EXT2: variants seen among roughly 807,000 people sequenced by gnomAD.
The protein encoded by EXT2 is exostosin glycosyltransferase 2.
EXT2 carries 53 observed loss-of-function variants against 81.6 expected under a neutral mutation model. That is an observed-to-expected ratio of 0.65 (90% CI 0.52 to 0.82). The LOEUF is 0.82. Among genes scored for constraint, EXT2 ranks in the 40% least tolerant of loss-of-function variants. EXT2 has a pLI of 0.00. For missense variants in EXT2, 774 were observed against 910.2 expected (o/e 0.85, Z 1.93); for synonymous variants, 320 against 340.0 (o/e 0.94, Z 0.65).
At chr11:44,124,237 A>G (rs1371180060) in intron 4 of EXT2, among the ~76,000 whole-genome samples, 1 of 152,056 alleles carries the variant, frequency 6.6e-6, no homozygotes, top group African/African-American at 2.4e-5. Flanking sequence ...GACTTTCCCT[A>G]TAGCCTCTCC....
At position 44,199,017 on chromosome 11, in the gene EXT2, T is replaced by C. The variant is rs552088570; in HGVS notation, c.1495+999T>C. Among the ~76,000 whole-genome samples the C allele has an allele frequency of 2.0e-5, 3 of 152,350 alleles. No individual in the cohort carries two copies. In the South Asian group the frequency reaches 6.2e-4, roughly 32 times the overall value. On this transcript the variant is annotated intron_variant, in intron 9 of 13. Coordinates refer to ENST00000533608, the MANE Select transcript of EXT2 (RefSeq NM_207122.2). ...GGATGTTTGTTCTCTGAGAGAATCA[T>C]ATGCTTTCTTTTTAGATTTAGGGAG...
At chr11:44,148,207 A>G (rs1954746512) in intron 7 of EXT2, among the ~76,000 whole-genome samples, 3 of 152,218 alleles carry the variant, frequency 2.0e-5, no homozygotes, top group African/African-American at 7.2e-5. Flanking sequence ...TGTGGGTACT[A>G]TGTTACCTAG....
intron 8 of EXT2, among the ~76,000 whole-genome samples, chr11:44,188,225 G>A (rs1955343413): frequency 6.6e-6 from 1 of 152,162 alleles, no homozygotes; most frequent in Non-Finnish European, 1.5e-5. Context: ...ATCAGCTTTT[G>A]CCATGGAGAC....
At chr11:44,136,945 G>T (rs1954578759) in intron 7 of EXT2, among the ~76,000 whole-genome samples, 1 of 151,960 alleles carries the variant, frequency 6.6e-6, no homozygotes, top group Non-Finnish European at 1.5e-5. Flanking sequence ...CTTGGTAATG[G>T]GTGTAATCAT....
At chr11:44,118,578 A>G (rs1259834940) in intron 4 of EXT2, among the ~76,000 whole-genome samples, 1 of 152,222 alleles carries the variant, frequency 6.6e-6, no homozygotes, top group African/African-American at 2.4e-5. Context: ...AATATTTTTT[A>G]GCAGTATTCA....
At chr11:44,242,642 G>A (rs1468817722) in intron 13 of EXT2, among the ~76,000 whole-genome samples, 1 of 151,990 alleles carries the variant, frequency 6.6e-6, no homozygotes, top group African/African-American at 2.4e-5. Flanking sequence ...TTGGGCAAGG[G>A]GGGTGATGAG....
chr11:44,244,124 C>G, intron 13 of EXT2, 25 bp from the exon 14 acceptor site: 1 of 1,612,864 alleles, frequency 6.2e-7, no homozygotes, highest in African/African-American at 1.3e-5. Flanking sequence ...ACCCCTCCTC[C>G]CCACCTCCTC....
At chr11:44,163,724 T>C (rs545644041) in intron 7 of EXT2, among the ~76,000 whole-genome samples, 2 of 152,324 alleles carry the variant, frequency 1.3e-5, no homozygotes, top group South Asian at 2.1e-4. Context: ...TTCCTGTAGC[T>C]CGGATCTCTT....
intron 3 of EXT2, among the ~76,000 whole-genome samples, chr11:44,111,662 TA>T (rs1185135191): frequency 1.2e-4 from 19 of 152,200 alleles, no homozygotes; most frequent in African/African-American, 4.6e-4. Flanking sequence ...ATTTCACACC[TA>T]TATAAAGAAG....
intron 7 of EXT2, among the ~76,000 whole-genome samples, chr11:44,145,883 C>G (rs968131876): frequency 2.0e-5 from 3 of 152,314 alleles, no homozygotes; most frequent in African/African-American, 7.2e-5. Context: ...AGCCATGGTT[C>G]TTGTTCTCAA....
intron 7 of EXT2, among the ~76,000 whole-genome samples, chr11:44,131,900 G>T (rs915319204): frequency 6.6e-6 from 1 of 152,098 alleles, no homozygotes; most frequent in African/African-American, 2.4e-5. Context: ...ACCATGCCCG[G>T]CTAATTTTGG....
chr11:44,124,150 T>A (rs1209201461), intron 4 of EXT2, among the ~76,000 whole-genome samples: 1 of 152,246 alleles, frequency 6.6e-6, no homozygotes, highest in Non-Finnish European at 1.5e-5. Context: ...TATGCTTTGA[T>A]GAAGATCGTT....
chr11:44,149,261 C>T (rs1954760700), intron 7 of EXT2, among the ~76,000 whole-genome samples: 2 of 152,090 alleles, frequency 1.3e-5, no homozygotes, highest in Admixed American at 1.3e-4. Flanking sequence ...ACTCGAGAGG[C>T]TGAGGTGGGA....
At position 44,181,319 on chromosome 11, in the gene EXT2, TC is replaced by T. The variant is rs1441373207; in HGVS notation, c.1305+9578del. ...TTTTCCTTCCTGGCAAATTCTGTGT[TC>T]TAAAATTTTATGATGATACGCCCTG... On this transcript the variant is annotated intron_variant, in intron 8 of 13. Transcript: ENST00000533608. Among the ~76,000 whole-genome samples the T allele has an allele frequency of 1.4e-4, 22 of 152,324 alleles. No homozygotes were observed. The Middle Eastern group carries it at 0.01, about 71-fold the overall frequency.
Position 44,186,982 on chromosome 11 carries a change from T to TTTCCTCCC in EXT2, c.1306-10842_1306-10841insCCCTTCCT, listed in dbSNP as rs1555015144. ...TTTATTAGCTTGACCTTGTACAAAA[T>TTTCCTCCC]TTCCTTCCTTCCTTCCTTCCTTCCT... On this transcript the variant is annotated intron_variant, in intron 8 of 13. Coordinates refer to ENST00000533608, the MANE Select transcript of EXT2 (RefSeq NM_207122.2). Among the ~76,000 whole-genome samples, 159 of 78,846 alleles carry TTTCCTCCC rather than the reference T, an allele frequency of 2.0e-3. 2 individuals carry two copies. Among genetic ancestry groups the TTTCCTCCC allele is most frequent in the African/African-American group, 7.3e-3 (144 of 19,756 alleles). 51.7% of individuals were successfully genotyped at this position (78,846 alleles called of 152,430 possible). A position where few individuals can be genotyped will look rare whatever the true frequency, so the allele number is the denominator to read the frequency against.
chr11:44,099,472 A>G (rs1301007923), intron 1 of EXT2, among the ~76,000 whole-genome samples: 1 of 152,092 alleles, frequency 6.6e-6, no homozygotes, highest in African/African-American at 2.4e-5. Context: ...GGTGTGAGCC[A>G]CTGTGCCTGG....
chr11:44,226,438 A>G (rs1955838960), intron 10 of EXT2, among the ~76,000 whole-genome samples: 1 of 152,222 alleles, frequency 6.6e-6, no homozygotes, highest in Non-Finnish European at 1.5e-5. Context: ...TAGTATCAGC[A>G]TTGAATTGTG....
intron 10 of EXT2, among the ~76,000 whole-genome samples, chr11:44,215,358 A>G (rs1421576136): frequency 6.6e-6 from 1 of 152,146 alleles, no homozygotes; most frequent in South Asian, 2.1e-4. Context: ...ATCTTCTTTG[A>G]CACATATTTA....
chr11:44,244,066 G>T, intron 13 of EXT2, 83 bp from the exon 14 acceptor site: 1 of 1,284,092 alleles, frequency 7.8e-7, no homozygotes, highest in Non-Finnish European at 1.1e-6. Context: ...TCAACCTCTT[G>T]AACATACTAT....
Sources: allele counts gnomAD v4.1 joint callset (sites outside exome capture counted in the v4.1 genomes callset), GRCh38; gene constraint gnomAD v4.1.1; transcripts MANE v1.5; gene names NCBI Gene and HGNC (gene_info 2026-07-23, HGNC 2026-07-21).